Variants in SBK1 observed in about 807,000 individuals in gnomAD.
SBK1 encodes the protein SH3 domain binding kinase 1, also known as serine/threonine-protein kinase SBK1.
In SBK1, 11 loss-of-function variants were observed where a neutral mutation model predicts 24.4. The ratio of observed to expected loss-of-function variants is 0.45; its 90% CI spans 0.28 to 0.75. The LOEUF (loss-of-function observed/expected upper bound fraction) is 0.75, where lower values mean the gene tolerates loss of function less well. SBK1 is among the 30% of genes least tolerant of loss of function. The probability of loss-of-function intolerance (pLI) is 0.12; values close to 1 mark genes in which losing one functional copy is unlikely to be tolerated. For synonymous variants in SBK1, 308 were observed against 284.4 expected (o/e 1.08, Z -0.83); for missense variants, 467 against 620.5 (o/e 0.75, Z 2.63).
At chr16:28,298,935 C>T (rs1042515840) in intron 1 of SBK1, among the ~76,000 whole-genome samples, 3 of 152,180 alleles carry the variant, frequency 2.0e-5, no homozygotes, top group Non-Finnish European at 4.4e-5. Flanking sequence ...GTTAGGGTCC[C>T]CCACCATAGC....
chr16:28,281,217 T>G (rs991402288), intron 1 of SBK1, among the ~76,000 whole-genome samples: 1 of 152,118 alleles, frequency 6.6e-6, no homozygotes, highest in Admixed American at 6.6e-5. Flanking sequence ...GCTCATTAAC[T>G]CCCACAAGAC....
intron 1 of SBK1, among the ~76,000 whole-genome samples, chr16:28,271,497 C>T (rs2044465321): frequency 6.6e-6 from 1 of 152,110 alleles, no homozygotes; most frequent in Admixed American, 6.6e-5. Flanking sequence ...GCGGAGGTTG[C>T]AGTGAGCCAA....
chr16:28,291,722 C>T (rs896020200), upstream of SBK1: 2 of 152,308 alleles, frequency 1.3e-5, no homozygotes, highest in African/African-American at 4.8e-5. Context: ...CCACCAATTT[C>T]CGGTTATCAA....
chr16:28,288,242 A>T (rs2044578398), upstream of SBK1, among the ~76,000 whole-genome samples: 1 of 152,208 alleles, frequency 6.6e-6, no homozygotes, highest in Non-Finnish European at 1.5e-5. Flanking sequence ...CCACGAACAG[A>T]CGCGCCTTAG....
upstream of SBK1, among the ~76,000 whole-genome samples, chr16:28,288,059 G>T (rs1237282737): frequency 6.6e-6 from 1 of 152,168 alleles, no homozygotes; most frequent in Non-Finnish European, 1.5e-5. Context: ...GAGGGAGGAA[G>T]AGGAAGCTGG....
At chr16:28,286,926 T>C (rs2044568536) in intron 1 of SBK1, 1 of 150,710 alleles carries the variant, frequency 6.6e-6, no homozygotes, top group Non-Finnish European at 1.5e-5. Context: ...TACAACCCTG[T>C]CGCTACTAAA....
chr16:28,316,438 G>A (rs1281635132), intron 1 of SBK1, among the ~76,000 whole-genome samples: 1 of 152,142 alleles, frequency 6.6e-6, no homozygotes, highest in Non-Finnish European at 1.5e-5. Flanking sequence ...CCAGGCTTTG[G>A]AGAGCCCTGG....
chr16:28,314,648 G>A (rs1277841191), intron 1 of SBK1, among the ~76,000 whole-genome samples: 2 of 152,148 alleles, frequency 1.3e-5, no homozygotes, highest in Non-Finnish European at 1.5e-5. Flanking sequence ...GGGTGCTTAG[G>A]AGCAGGCTAG....
At chr16:28,279,207 CAA>C (rs34028427) in intron 1 of SBK1, among the ~76,000 whole-genome samples, 36 of 115,176 alleles carry the variant, frequency 3.1e-4, no homozygotes, top group African/African-American at 6.1e-4. Context: ...GAGACTCTGT[CAA>C]AAAAAAAAAA....
chr16:28,282,322 T>C (rs1049348019), intron 1 of SBK1, among the ~76,000 whole-genome samples: 1 of 152,024 alleles, frequency 6.6e-6, no homozygotes, highest in Non-Finnish European at 1.5e-5. Flanking sequence ...GGGTGGGCTC[T>C]GGGGAGAGAT....
chr16:28,282,788 A>T (rs745949934), intron 1 of SBK1, among the ~76,000 whole-genome samples: 3 of 149,570 alleles, frequency 2.0e-5, no homozygotes, highest in Non-Finnish European at 4.4e-5. Flanking sequence ...AACTCCAAGG[A>T]CCCAAACCCC....
rs75022606 is a variant in SBK1, at chr16:28,273,714, G to A, written c.257+14212G>A. ...CTCCCACAGTGCTGGGATTCCAGGC[G>A]AGAGTCCCTGCGCCCAGCCCCACTT... is the stretch of plus-strand genomic sequence containing the variant. On this transcript the variant is annotated intron_variant, in intron 1 of 3. Coordinates refer to the SBK1 transcript ENST00000671413. Among the ~76,000 whole-genome samples, 4 of 152,284 alleles carry A rather than the reference G, an allele frequency of 2.6e-5. No individual in the cohort carries two copies. The East Asian group carries it at 7.7e-4, about 29-fold the overall frequency.
intron 1 of SBK1, among the ~76,000 whole-genome samples, chr16:28,300,153 T>C (rs750445216): frequency 3.8e-4 from 58 of 152,226 alleles, no homozygotes; most frequent in Admixed American, 1.3e-4. Context: ...ACAGTTTGTT[T>C]GGTTCACGAA....
At chr16:28,260,825 G>C (rs867041515) in intron 1 of SBK1, among the ~76,000 whole-genome samples, 1 of 152,126 alleles carries the variant, frequency 6.6e-6, no homozygotes, top group East Asian at 1.9e-4. Flanking sequence ...CTTGATGGGC[G>C]TGGGTGCACA....
chr16:28,273,034 ATTG>A (rs2044476395), intron 1 of SBK1, among the ~76,000 whole-genome samples: 1 of 151,964 alleles, frequency 6.6e-6, no homozygotes, highest in Admixed American at 6.6e-5. Flanking sequence ...TATTGTGAAT[ATTG>A]TTGTAAAGAA....
intron 1 of SBK1, among the ~76,000 whole-genome samples, chr16:28,269,750 C>A (rs983298099): frequency 6.6e-6 from 1 of 151,670 alleles, no homozygotes; most frequent in East Asian, 2.0e-4. Flanking sequence ...GTGGCACGCA[C>A]CTGTAGTCCC....
chr16:28,306,965 C>T (rs1208311779), intron 1 of SBK1, among the ~76,000 whole-genome samples: 2 of 152,132 alleles, frequency 1.3e-5, no homozygotes, highest in African/African-American at 2.4e-5. Flanking sequence ...CCGAAAGTTA[C>T]GTAGGAAGTC....
At chr16:28,293,571 G>T (rs1414509259) in intron 1 of SBK1, among the ~76,000 whole-genome samples, 1 of 150,700 alleles carries the variant, frequency 6.6e-6, no homozygotes, top group Non-Finnish European at 1.5e-5. Flanking sequence ...CCATGGAGAG[G>T]GGGGAAGAGG....
chr16:28,273,837 C>G (rs1159320624), intron 1 of SBK1, among the ~76,000 whole-genome samples: 1 of 152,192 alleles, frequency 6.6e-6, no homozygotes, highest in African/African-American at 2.4e-5. Flanking sequence ...GAAGAAACCA[C>G]AATGACAATG....
Sources: gnomAD v4.1 joint callset for allele counts (sites outside exome capture counted in the v4.1 genomes callset) on GRCh38, gnomAD v4.1.1 for gene constraint, MANE v1.5 for transcripts, NCBI Gene and HGNC (gene_info 2026-07-23, HGNC 2026-07-21) for gene names.